EFCAB6: variants seen among roughly 807,000 people sequenced by gnomAD.
EFCAB6 encodes the protein EF-hand calcium binding domain 6.
Under a neutral mutation model 169.8 loss-of-function variants are expected in EFCAB6, and 156 were observed. That is an observed-to-expected ratio of 0.92 (90% CI 0.81 to 1.05). The LOEUF (loss-of-function observed/expected upper bound fraction) is 1.05, where lower values mean the gene tolerates loss of function less well. Among genes scored for constraint, EFCAB6 ranks in the 50% least tolerant of loss-of-function variants. EFCAB6 has a pLI of 0.00. For missense variants in EFCAB6, 1,800 were observed against 1,829.1 expected (o/e 0.98, Z 0.29); for synonymous variants, 698 against 676.4 (o/e 1.03, Z -0.50).
intron 28 of EFCAB6, among the ~76,000 whole-genome samples, chr22:43,539,172 A>C (rs2047550644): frequency 6.6e-6 from 1 of 152,184 alleles, no homozygotes; most frequent in South Asian, 2.1e-4. Flanking sequence ...CTGATTAGCA[A>C]CTTCAGTTCT....
chr22:43,635,018 G>A (rs1045261941), intron 18 of EFCAB6, 84 bp downstream of exon 18: 16 of 1,056,882 alleles, frequency 1.5e-5, no homozygotes, highest in South Asian at 9.2e-5. Flanking sequence ...ACTTCAACCC[G>A]AGTGGCCTGG....
rs1256187287 is a variant in EFCAB6, at chr22:43,626,610, T to C, written c.2302A>G (p.Arg768Gly). 1.2e-6 allele frequency: 2 copies of C among 1,614,222 alleles called. No homozygotes were observed. The highest frequency in any genetic ancestry group is 1.3e-5 in the African/African-American group (1 of 75,058). ...TTAAGCAGTAGATGCAGGAGCAGTC[T>C]GTGAAGGTCATGCATGTTGATTATG... ...DGIINMHDLH[R>G]LLLHLLLNLK... Residue 768 changes from arginine to glycine, a missense_variant, in exon 20 of 32, where the codon AGA becomes GGA. Arg to Gly is a moderately radical substitution (Grantham distance 125, BLOSUM62 -2). Coordinates refer to ENST00000262726, the MANE Select transcript of EFCAB6 (RefSeq NM_022785.4).
At chr22:43,647,902 G>A (rs1432300540) in intron 17 of EFCAB6, among the ~76,000 whole-genome samples, 2 of 152,184 alleles carry the variant, frequency 1.3e-5, no homozygotes, top group African/African-American at 4.8e-5. Context: ...GCAGATGAGA[G>A]CATGGCTCTG....
intron 18 of EFCAB6, 78 bp downstream of exon 18, chr22:43,635,024 C>G (rs953817001): frequency 8.6e-7 from 1 of 1,165,102 alleles, no homozygotes; most frequent in African/African-American, 1.5e-5. Context: ...ACCCGAGTGG[C>G]CTGGTGGCAC....
chr22:43,661,845 G>A (rs369440619), intron 17 of EFCAB6, among the ~76,000 whole-genome samples: 20 of 152,320 alleles, frequency 1.3e-4, no homozygotes, highest in South Asian at 6.2e-4. Context: ...TTGGCTGGGC[G>A]TGGCGGCATG....
chr22:43,586,340 A>ATTTTTTTTTTTTTTTTTTTTT lies in EFCAB6; in HGVS notation c.3032+3713_3032+3733dup, dbSNP rs36058832. On this transcript the variant is annotated intron_variant, in intron 24 of 31. Coordinates refer to ENST00000262726, the MANE Select transcript of EFCAB6 (RefSeq NM_022785.4). ...ACTGTAAACTCTTGAGCAACAACTG[A>ATTTTTTTTTTTTTTTTTTTTT]TTTTTTTTTTTTTTTTTTTTTTTTT... 3.4e-4 allele frequency among the ~76,000 whole-genome samples: 25 copies of ATTTTTTTTTTTTTTTTTTTTT among 72,922 alleles called. 1 individual carries two copies. The highest frequency in any genetic ancestry group is 5.2e-4 in the African/African-American group (8 of 15,432). The allele number at this position is 72,922 out of a possible 152,430, so 47.8% of individuals were successfully genotyped here. A position where few individuals can be genotyped will look rare whatever the true frequency, so the allele number is the denominator to read the frequency against.
chr22:43,718,279 A>C (rs1225103049), intron 8 of EFCAB6, among the ~76,000 whole-genome samples: 1 of 152,264 alleles, frequency 6.6e-6, no homozygotes, highest in Non-Finnish European at 1.5e-5. Flanking sequence ...TCTTTCTCAA[A>C]GTTGACTGCA....
intron 22 of EFCAB6, among the ~76,000 whole-genome samples, chr22:43,603,767 C>T (rs2052706267): frequency 6.6e-6 from 1 of 152,244 alleles, no homozygotes; most frequent in Non-Finnish European, 1.5e-5. Context: ...AAGGAATTCT[C>T]TCAGGTACCA....
At position 43,537,396 on chromosome 22, in the gene EFCAB6, G is replaced by A. The variant is rs138670765; in HGVS notation, c.4029C>T (p.Ile1343=). The change falls in exon 29 of 32, where the codon ATC becomes ATT. Residue 1343 remains isoleucine (I), a synonymous_variant. Coordinates refer to ENST00000262726, the MANE Select transcript of EFCAB6 (RefSeq NM_022785.4). This position sits in a 1 kb window ranked among gnomAD's most constrained non-coding sequence, Gnocchi z 4.3. The stretch of plus-strand genomic sequence containing the variant: ...ACGAACCCAGGAAATCGGAGGCGTT[G>A]ATGTCCCCCTGTCTGGCCACGTCCT... ...KEKDVARQGD[I]NASDFLALVE... The A allele has an allele frequency of 6.2e-7, 1 of 1,614,032 alleles. No individual in the cohort carries two copies. Among genetic ancestry groups the A allele is most frequent in the South Asian group, 1.1e-5 (1 of 91,076 alleles).
intron 10 of EFCAB6, among the ~76,000 whole-genome samples, chr22:43,707,690 T>G (rs1453010831): frequency 1.3e-5 from 2 of 152,136 alleles, no homozygotes; most frequent in Non-Finnish European, 2.9e-5. Flanking sequence ...ATGAAGATAT[T>G]TTTGAAAACA....
chr22:43,713,937 G>C (rs928874049), intron 9 of EFCAB6, among the ~76,000 whole-genome samples: 1 of 151,934 alleles, frequency 6.6e-6, no homozygotes, highest in Non-Finnish European at 1.5e-5. Context: ...CAAAGAACCC[G>C]GAATGGAAGA....
At position 43,528,826 on chromosome 22, in the gene EFCAB6, G is replaced by A. The variant is rs368671996; in HGVS notation, c.*27C>T. 59 of 1,573,292 alleles carry A rather than the reference G, an allele frequency of 3.8e-5. No homozygotes were observed. The highest frequency in any genetic ancestry group is 7.9e-5 in the South Asian group (7 of 88,286). The stretch of plus-strand genomic sequence containing the variant: ...CCTTGAAACAGGCCCTGTGGCTGTC[G>A]TCCCGCTGGGCACACAGCAGGGGTG... On this transcript the variant is annotated 3_prime_UTR_variant, in exon 32 of 32. Coordinates refer to ENST00000262726, the MANE Select transcript of EFCAB6 (RefSeq NM_022785.4).
intron 17 of EFCAB6, among the ~76,000 whole-genome samples, chr22:43,641,752 G>C (rs2055819631): frequency 6.6e-6 from 1 of 152,196 alleles, no homozygotes; most frequent in Non-Finnish European, 1.5e-5. Flanking sequence ...GCAGACTTCA[G>C]TGTGGGTATC....
In EFCAB6 at chr22:43,748,408, C is replaced by T. The variant is rs750199562; in HGVS notation, c.507+7358G>A. On this transcript the variant is annotated intron_variant, in intron 6 of 31. Coordinates refer to ENST00000262726, the MANE Select transcript of EFCAB6 (RefSeq NM_022785.4). ...TCCTTGCGGTGCTCTGGCCACAGCC[C>T]GGCTTCCCTCTCCTCATGTCCTTTT... Among the ~76,000 whole-genome samples, 63 of 152,090 alleles carry T rather than the reference C, an allele frequency of 4.1e-4. 1 individual carries two copies. The highest frequency in any genetic ancestry group is 3.3e-4 in the Admixed American group (5 of 15,276).
At chr22:43,794,434 G>C (rs1241712786) in intron 2 of EFCAB6, among the ~76,000 whole-genome samples, 1 of 152,178 alleles carries the variant, frequency 6.6e-6, no homozygotes, top group Non-Finnish European at 1.5e-5. Flanking sequence ...CCAAACTCCG[G>C]TGAATTTAAT....
At chr22:43,745,914 G>A (rs2060545041) in intron 6 of EFCAB6, among the ~76,000 whole-genome samples, 1 of 152,172 alleles carries the variant, frequency 6.6e-6, no homozygotes, top group Non-Finnish European at 1.5e-5. Flanking sequence ...TAGCTTGACT[G>A]TTATGTTCTT....
intron 21 of EFCAB6, among the ~76,000 whole-genome samples, chr22:43,612,829 G>C (rs2053411679): frequency 6.6e-6 from 1 of 151,720 alleles, no homozygotes; most frequent in Non-Finnish European, 1.5e-5. Flanking sequence ...GGGCGGCGGA[G>C]GTTGCAGTGA....
rs546544470 is a variant in EFCAB6 at position 43,653,602 on chromosome 22, C to A, written c.1983+13502G>T. ...ACGTTTCACAGAACCATCAGAGAAA[C>A]ATAAAATCTGGAGAGAGAAATGAAG... On this transcript the variant is annotated intron_variant, in intron 17 of 31. Coordinates refer to ENST00000262726, the MANE Select transcript of EFCAB6 (RefSeq NM_022785.4). Among the ~76,000 whole-genome samples the A allele has an allele frequency of 3.3e-5, 5 of 152,196 alleles. No homozygotes were observed. The East Asian group carries it at 9.7e-4, about 29-fold the overall frequency.
intron 10 of EFCAB6, among the ~76,000 whole-genome samples, chr22:43,701,597 C>T (rs1317982126): frequency 1.4e-5 from 2 of 146,342 alleles, no homozygotes; most frequent in Admixed American, 1.4e-4. Context: ...AAAACAGACA[C>T]TAAAAACAAT....
Sources: gnomAD v4.1 joint callset for allele counts (sites outside exome capture counted in the v4.1 genomes callset) on GRCh38, gnomAD v4.1.1 for gene constraint, Gnocchi (gnomAD v3.1) non-coding constraint, MANE v1.5 for transcripts, NCBI Gene and HGNC (gene_info 2026-07-23, HGNC 2026-07-21) for gene names.